Variants in KSR2 observed in about 807,000 individuals in gnomAD.
KSR2 encodes kinase suppressor of ras 2.
In KSR2, 25 loss-of-function variants were observed where a neutral mutation model predicts 107.8. That is an observed-to-expected ratio of 0.23 (90% CI 0.17 to 0.32). KSR2 has a LOEUF of 0.32. Ranked by LOEUF, KSR2 falls within the 10% of genes least tolerant of loss-of-function variation. The pLI is 1.00. For synonymous variants in KSR2, 480 were observed against 507.0 expected (o/e 0.95, Z 0.71); for missense variants, 887 against 1,268.9 (o/e 0.70, Z 4.57).
Position 117,968,239 on chromosome 12 carries a change from A to T in KSR2, c.17T>A (p.Met6Lys), listed in dbSNP as rs1001960016. 1.5e-5 allele frequency: 20 copies of T among 1,348,674 alleles called. No individual in the cohort carries two copies. Among genetic ancestry groups the T allele is most frequent in the Non-Finnish European group, 2.0e-5 (20 of 1,019,106 alleles). 83.5% of individuals were successfully genotyped at this position (1,348,674 alleles called of 1,614,324 possible). The change falls in exon 1 of 20, where the codon ATG becomes AAG. Residue 6 changes from methionine to lysine, a missense_variant. By Grantham distance (95) the Met-to-Lys change is moderately conservative. This residue lies in a region of KSR2 where 32 missense variants were observed against 25.9 expected (regional missense o/e 1.23). Transcript: ENST00000339824. MDEEN[M>K]TKSEEQQPLS... ...AGGCTGCTGCTCCTCGCTTTTCGTC[A>T]TGTTTTCCTCATCCATCGCTTGCTC...
At chr12:117,748,801 A>T (rs1320097349) in intron 4 of KSR2, among the ~76,000 whole-genome samples, 2 of 152,126 alleles carry the variant, frequency 1.3e-5, no homozygotes, top group Non-Finnish European at 2.9e-5. Flanking sequence ...CCAAAAGCAG[A>T]CCCTAAAGCA....
intron 1 of KSR2, among the ~76,000 whole-genome samples, chr12:117,930,553 A>G (rs1895666695): frequency 6.6e-6 from 1 of 152,184 alleles, no homozygotes; most frequent in Non-Finnish European, 1.5e-5. Flanking sequence ...AGCCACATAC[A>G]TAAAGCTCCA....
intron 4 of KSR2, among the ~76,000 whole-genome samples, chr12:117,754,249 G>A (rs771186285): frequency 1.3e-5 from 2 of 152,020 alleles, no homozygotes; most frequent in Non-Finnish European, 2.9e-5. Context: ...AGGCACGTGA[G>A]ATACTACTGG....
At chr12:117,767,120 A>G (rs982913497) in intron 3 of KSR2, among the ~76,000 whole-genome samples, 5 of 150,874 alleles carry the variant, frequency 3.3e-5, no homozygotes, top group African/African-American at 1.2e-4. Flanking sequence ...ATTTTGAGAG[A>G]GGAAAAAATT....
chr12:117,968,592 G>T lies in KSR2; in HGVS notation c.-337C>A. ...TCTGTACACTTAGGGAGGAGGAGGA[G>T]GAGGAAAAAGAAGAGGAGAAGGAGG... is the stretch of plus-strand genomic sequence containing the variant. On this transcript the variant is annotated 5_prime_UTR_variant, in exon 1 of 20. Transcript: ENST00000339824. The T allele has an allele frequency of 1.6e-6, 1 of 609,382 alleles. No individual in the cohort carries two copies. The allele number at this position is 609,382 out of a possible 1,614,324, so 37.7% of individuals were successfully genotyped here.
At chr12:117,900,339 AT>A (rs1847436247) in intron 1 of KSR2, among the ~76,000 whole-genome samples, 1 of 152,204 alleles carries the variant, frequency 6.6e-6, no homozygotes, top group Non-Finnish European at 1.5e-5. Context: ...CTAGCAAGAC[AT>A]ATCCATCAGG....
intron 9 of KSR2, among the ~76,000 whole-genome samples, chr12:117,548,723 C>A (rs1877069559): frequency 6.6e-6 from 1 of 152,138 alleles, no homozygotes; most frequent in Admixed American, 6.5e-5. Context: ...TTCCTGGAAG[C>A]AGAGTAACTA....
chr12:117,471,820 G>A (rs1322898379), intron 17 of KSR2, among the ~76,000 whole-genome samples: 1 of 151,482 alleles, frequency 6.6e-6, no homozygotes, highest in Non-Finnish European at 1.5e-5. Context: ...TATAACCTTA[G>A]GTAAAAAAAA....
At chr12:117,882,213 C>T (rs1454735781) in intron 1 of KSR2, among the ~76,000 whole-genome samples, 2 of 152,172 alleles carry the variant, frequency 1.3e-5, no homozygotes, top group African/African-American at 2.4e-5. Context: ...AGTAGCAGCA[C>T]AGGCCAAGTG....
At chr12:117,700,345 G>C (rs1448651077) in intron 4 of KSR2, among the ~76,000 whole-genome samples, 4 of 152,172 alleles carry the variant, frequency 2.6e-5, no homozygotes, top group Non-Finnish European at 5.9e-5. Flanking sequence ...GGAGCCCACA[G>C]ACTCAACCAC....
At chr12:117,959,373 G>A (rs138367768) in intron 1 of KSR2, among the ~76,000 whole-genome samples, 444 of 152,116 alleles carry the variant, frequency 2.9e-3, no homozygotes, top group Non-Finnish European at 4.0e-3. Flanking sequence ...AATAATCTTC[G>A]ATTCTTGATT....
intron 3 of KSR2, among the ~76,000 whole-genome samples, chr12:117,785,999 A>C (rs1478908231): frequency 6.6e-6 from 1 of 152,224 alleles, no homozygotes; most frequent in East Asian, 1.9e-4. Flanking sequence ...ATAAACTCAA[A>C]GAAAACCACG....
intron 4 of KSR2, among the ~76,000 whole-genome samples, chr12:117,717,666 GGTGTGTGTGTGTGTGT>G (rs55910019): frequency 0.099 from 14,309 of 144,390 alleles, 762 homozygotes; most frequent in Middle Eastern, 0.16. Context: ...GGGGCAGACA[GGTGTGTGTGTGTGTGT>G]GTGTGTGTGT....
intron 4 of KSR2, among the ~76,000 whole-genome samples, chr12:117,718,751 C>T (rs896043729): frequency 2.0e-5 from 3 of 152,228 alleles, no homozygotes; most frequent in African/African-American, 7.2e-5. Flanking sequence ...ACACTTGGGA[C>T]TATTTTTAGC....
At chr12:117,710,828 T>C (rs1886742863) in intron 4 of KSR2, among the ~76,000 whole-genome samples, 1 of 152,100 alleles carries the variant, frequency 6.6e-6, no homozygotes, top group Non-Finnish European at 1.5e-5. Flanking sequence ...CTGTCTCATA[T>C]TCCTCCCTCA....
chr12:117,540,122 G>T (rs1876376516), intron 9 of KSR2, among the ~76,000 whole-genome samples: 1 of 152,056 alleles, frequency 6.6e-6, no homozygotes, highest in Admixed American at 6.5e-5. Context: ...TTGGACCCCA[G>T]AGTGAAAGGT....
At chr12:117,809,455 T>C (rs1192098466) in intron 3 of KSR2, among the ~76,000 whole-genome samples, 2 of 152,140 alleles carry the variant, frequency 1.3e-5, no homozygotes, top group East Asian at 3.9e-4. Context: ...CTGCCAAATG[T>C]CCACGGGAGC....
At chr12:117,699,827 C>T (rs1181446927) in intron 4 of KSR2, among the ~76,000 whole-genome samples, 1 of 152,116 alleles carries the variant, frequency 6.6e-6, no homozygotes, top group African/African-American at 2.4e-5. Context: ...GTTACAATGG[C>T]TATGACGTCA....
At chr12:117,838,616 T>A (rs1892340000) in intron 3 of KSR2, among the ~76,000 whole-genome samples, 1 of 152,140 alleles carries the variant, frequency 6.6e-6, no homozygotes, top group African/African-American at 2.4e-5. Context: ...TATAGGAAGT[T>A]CTTGATCAAT....
Sources: gnomAD v4.1 joint callset for allele counts (sites outside exome capture counted in the v4.1 genomes callset) on GRCh38, gnomAD v4.1.1 for gene constraint, gnomAD v4.1.1 regional missense constraint, MANE v1.5 for transcripts, NCBI Gene and HGNC (gene_info 2026-07-23, HGNC 2026-07-21) for gene names.